Variants in GPR141 observed in about 807,000 individuals in gnomAD.
GPR141 encodes the protein G protein-coupled receptor 141, also known as probable G protein-coupled receptor 141.
Under a neutral mutation model 6.8 loss-of-function variants are expected in GPR141, and 6 were observed. That is an observed-to-expected ratio of 0.88 (90% CI 0.48 to 1.74). GPR141 has a LOEUF of 1.74. GPR141 is among the 40% of genes most tolerant of loss of function. The pLI, the probability that GPR141 is intolerant of heterozygous loss-of-function variation, is 0.01. For synonymous variants in GPR141, 140 were observed against 142.3 expected (o/e 0.98, Z 0.11); for missense variants, 372 against 372.9 (o/e 1.00, Z 0.02).
intron 2 of GPR141, among the ~76,000 whole-genome samples, chr7:37,729,001 G>T (rs1811777449): frequency 6.6e-6 from 1 of 152,082 alleles, no homozygotes; most frequent in Non-Finnish European, 1.5e-5. Context: ...CTGTACATTT[G>T]GGTCCTAGAG....
intron 2 of GPR141, among the ~76,000 whole-genome samples, chr7:37,723,875 T>C (rs1266808450): frequency 6.6e-6 from 1 of 152,240 alleles, no homozygotes; most frequent in Non-Finnish European, 1.5e-5. Flanking sequence ...AAGATTTCTT[T>C]GAAGCAAAAT....
At chr7:37,687,432 G>A (rs1809560252) in intron 2 of GPR141, among the ~76,000 whole-genome samples, 1 of 152,056 alleles carries the variant, frequency 6.6e-6, no homozygotes, top group South Asian at 2.1e-4. Flanking sequence ...CTCAGAAGCT[G>A]TTAGGAAATA....
intron 2 of GPR141, among the ~76,000 whole-genome samples, chr7:37,724,900 C>G (rs1461840819): frequency 6.6e-6 from 1 of 152,084 alleles, no homozygotes; most frequent in Non-Finnish European, 1.5e-5. Flanking sequence ...CCTCTGGAGT[C>G]TGCCTTTAGT....
intron 2 of GPR141, among the ~76,000 whole-genome samples, chr7:37,720,422 G>T (rs1218141861): frequency 6.6e-6 from 1 of 152,152 alleles, no homozygotes; most frequent in Non-Finnish European, 1.5e-5. Flanking sequence ...CAAAAGCAGA[G>T]AGTTAAGTAC....
chr7:37,708,325 A>AAAC lies in GPR141; in HGVS notation c.-15+22744_-15+22745insCAA, dbSNP rs1554341183. Among the ~76,000 whole-genome samples the AAAC allele has an allele frequency of 2.3e-4, 35 of 151,380 alleles. 1 individual carries two copies. Among genetic ancestry groups the AAAC allele is most frequent in the African/African-American group, 7.5e-4 (31 of 41,304 alleles). Reference sequence around the variant, plus strand: ...AAATTGCTGGCAAAAAAAAAAAAAAAAAAAAAAAAACGCAAAAGCTGGCCA... The same window carrying AAAC: ...AAATTGCTGGCAAAAAAAAAAAAAAAAACAAAAAAAAAACGCAAAAGCTGGCCA... On this transcript the variant is annotated intron_variant, in intron 2 of 2. Transcript: ENST00000334425.
chr7:37,733,225 A>G (rs1346895486), intron 2 of GPR141, among the ~76,000 whole-genome samples: 7 of 152,166 alleles, frequency 4.6e-5, no homozygotes, highest in Non-Finnish European at 7.4e-5. Context: ...TTATTATCAT[A>G]CAGCCTGGCA....
At chr7:37,695,287 A>C (rs1015690110) in intron 2 of GPR141, among the ~76,000 whole-genome samples, 3 of 152,296 alleles carry the variant, frequency 2.0e-5, no homozygotes, top group Middle Eastern at 3.4e-3. Context: ...GGAGCAAGAC[A>C]CACTCCAACA....
intron 2 of GPR141, among the ~76,000 whole-genome samples, chr7:37,700,742 T>C (rs1380152072): frequency 6.6e-6 from 1 of 152,230 alleles, no homozygotes; most frequent in East Asian, 1.9e-4. Flanking sequence ...TTATACCATA[T>C]ACCCAGCTCC....
intron 2 of GPR141, among the ~76,000 whole-genome samples, chr7:37,725,231 T>C (rs2717932): frequency 0.3 from 45,591 of 152,076 alleles, 7,722 homozygotes; most frequent in African/African-American, 0.46. Flanking sequence ...ATCAGTGTTA[T>C]GAAGAACATG....
At chr7:37,690,100 C>A (rs1349604202) in intron 2 of GPR141, among the ~76,000 whole-genome samples, 1 of 152,046 alleles carries the variant, frequency 6.6e-6, no homozygotes, top group African/African-American at 2.4e-5. Context: ...TTTCTATTTT[C>A]ATTTATTTCA....
At chr7:37,701,468 C>T (rs1485742754) in intron 2 of GPR141, among the ~76,000 whole-genome samples, 2 of 152,114 alleles carry the variant, frequency 1.3e-5, no homozygotes, top group African/African-American at 2.4e-5. Context: ...CCTATGCAGA[C>T]TTGCCAGATT....
intron 2 of GPR141, among the ~76,000 whole-genome samples, chr7:37,725,032 G>A (rs1811556071): frequency 6.6e-6 from 1 of 150,706 alleles, no homozygotes; most frequent in African/African-American, 2.4e-5. Context: ...AGTTAAATGG[G>A]TGCACTGGAT....
In GPR141 at chr7:37,702,743, T is replaced by A. The variant is rs537376509; in HGVS notation, c.-15+17160T>A. Reference sequence around the variant, plus strand: ...CTAAAACTTAAAGTATAATAAAAAATAAATAAATAAATAAATAAAAATAAA... The same window carrying A: ...CTAAAACTTAAAGTATAATAAAAAAAAAATAAATAAATAAATAAAAATAAA... On this transcript the variant is annotated intron_variant, in intron 2 of 2. Transcript: ENST00000334425. 6.7e-3 allele frequency among the ~76,000 whole-genome samples: 750 copies of A among 112,014 alleles called. 10 individuals are homozygous for A. Among genetic ancestry groups the A allele is most frequent in the African/African-American group, 0.024 (722 of 30,046 alleles). The allele number at this position is 112,014 out of a possible 152,430, so 73.5% of individuals were successfully genotyped here.
chr7:37,725,705 G>A (rs1225131946), intron 2 of GPR141, among the ~76,000 whole-genome samples: 1 of 152,172 alleles, frequency 6.6e-6, no homozygotes, highest in Non-Finnish European at 1.5e-5. Context: ...GGTTTTTAGT[G>A]TAGTCACAGA....
intron 2 of GPR141, among the ~76,000 whole-genome samples, chr7:37,687,451 CT>C (rs1264173569): frequency 8.5e-5 from 13 of 152,054 alleles, no homozygotes; most frequent in Non-Finnish European, 1.9e-4. Flanking sequence ...TAGAAATATA[CT>C]ATTTGCTTTG....
intron 2 of GPR141, among the ~76,000 whole-genome samples, chr7:37,701,204 A>G (rs1810264782): frequency 6.6e-6 from 1 of 152,248 alleles, no homozygotes; most frequent in African/African-American, 2.4e-5. Context: ...AAGAAAATGT[A>G]TGATTATTTT....
chr7:37,740,668 G>C lies in GPR141; in HGVS notation c.275G>C (p.Ser92Thr). Residue 92 changes from serine to threonine, a missense_variant, in exon 3 of 3, where the codon AGT becomes ACT. Ser to Thr is a moderately conservative substitution (Grantham distance 58). Coordinates refer to ENST00000334425, the MANE Select transcript of GPR141 (RefSeq NM_001381946.1). The part of the protein sequence containing the change: ...MFGLPFCKFV[S>T]AMLHIHMYLT... ...GGGCTGCCCTTCTGCAAATTTGTGA[G>C]TGCCATGCTGCACATCCACATGTAC... 1.2e-6 allele frequency: 2 copies of C among 1,614,084 alleles called. No homozygotes were observed. Among genetic ancestry groups the C allele is most frequent in the Non-Finnish European group, 1.7e-6 (2 of 1,179,992 alleles).
At chr7:37,718,549 A>AAGGAAGGG (rs1811161072) in intron 2 of GPR141, among the ~76,000 whole-genome samples, 2 of 151,754 alleles carry the variant, frequency 1.3e-5, no homozygotes, top group African/African-American at 2.4e-5. Flanking sequence ...GGAAGGAAGG[A>AAGGAAGGG]AGGAAGGAAA....
At chr7:37,692,326 G>A (rs893961960) in intron 2 of GPR141, among the ~76,000 whole-genome samples, 29 of 152,212 alleles carry the variant, frequency 1.9e-4, no homozygotes, top group Admixed American at 8.5e-4. Context: ...AAACATGAAC[G>A]CATCCTTTTT....
Sources: gnomAD v4.1 joint callset for allele counts (sites outside exome capture counted in the v4.1 genomes callset) on GRCh38, gnomAD v4.1.1 for gene constraint, MANE v1.5 for transcripts, NCBI Gene and HGNC (gene_info 2026-07-23, HGNC 2026-07-21) for gene names.